Variants in GPC5 observed in about 807,000 individuals in gnomAD.
The protein encoded by GPC5 is glypican 5.
GPC5 carries 47 observed loss-of-function variants against 53.9 expected under a neutral mutation model. That is an observed-to-expected ratio of 0.87 (90% CI 0.69 to 1.11). GPC5 has a LOEUF of 1.11. Among genes scored for constraint, GPC5 ranks in the 50% most tolerant of loss-of-function variants. The probability of loss-of-function intolerance (pLI) is 0.00; values close to 1 mark genes in which losing one functional copy is unlikely to be tolerated. For synonymous variants in GPC5, 286 were observed against 263.3 expected (o/e 1.09, Z -0.84); for missense variants, 748 against 713.1 (o/e 1.05, Z -0.56).
At chr13:91,434,043 G>T (rs1213193562) in intron 1 of GPC5, among the ~76,000 whole-genome samples, 1 of 152,088 alleles carries the variant, frequency 6.6e-6, no homozygotes, top group Non-Finnish European at 1.5e-5. Context: ...CTTTTTGATG[G>T]GGTTGCTTGT....
chr13:92,831,360 CAAAAG>C (rs567669653), intron 7 of GPC5, among the ~76,000 whole-genome samples: 67 of 152,004 alleles, frequency 4.4e-4, no homozygotes, highest in African/African-American at 1.5e-3. Context: ...TTATTTATTC[CAAAAG>C]AAAATTATTT....
intron 7 of GPC5, among the ~76,000 whole-genome samples, chr13:92,487,905 T>G (rs1879616745): frequency 6.6e-6 from 1 of 151,572 alleles, no homozygotes; most frequent in Non-Finnish European, 1.5e-5. Flanking sequence ...GCAGATCCCT[T>G]TGATGAGAAG....
intron 5 of GPC5, among the ~76,000 whole-genome samples, chr13:91,905,034 C>T (rs1013295934): frequency 6.6e-6 from 1 of 152,040 alleles, no homozygotes; most frequent in African/African-American, 2.4e-5. Context: ...ACTTCCCGTA[C>T]TTTGAGGTCT....
chr13:91,673,079 G>T (rs1214791566), intron 2 of GPC5, among the ~76,000 whole-genome samples: 2 of 152,088 alleles, frequency 1.3e-5, no homozygotes, highest in African/African-American at 4.8e-5. Context: ...AGGGCCTGTT[G>T]GGGGTTAGGG....
chr13:92,816,991 G>C (rs1008091821), intron 7 of GPC5, among the ~76,000 whole-genome samples: 6 of 151,874 alleles, frequency 4.0e-5, no homozygotes, highest in Non-Finnish European at 8.8e-5. Flanking sequence ...CCCACTCCCG[G>C]TCTAGAAACC....
At chr13:92,060,021 C>T (rs1455376422) in intron 6 of GPC5, 3 of 151,354 alleles carry the variant, frequency 2.0e-5, no homozygotes, top group African/African-American at 7.3e-5. Flanking sequence ...TTAAGTTGCT[C>T]ATTTTATAAA....
chr13:92,401,776 C>T (rs1412510790), intron 7 of GPC5, among the ~76,000 whole-genome samples: 1 of 152,054 alleles, frequency 6.6e-6, no homozygotes, highest in African/African-American at 2.4e-5. Context: ...ATTACCTGAG[C>T]ATAAATTGAG....
chr13:92,552,727 G>T (rs1258075649), intron 7 of GPC5, among the ~76,000 whole-genome samples: 1 of 151,868 alleles, frequency 6.6e-6, no homozygotes, highest in Non-Finnish European at 1.5e-5. Context: ...TCTACTTGGA[G>T]TCTAAGTCCA....
At chr13:92,750,594 C>T (rs1038634480) in intron 7 of GPC5, among the ~76,000 whole-genome samples, 10 of 152,110 alleles carry the variant, frequency 6.6e-5, no homozygotes, top group African/African-American at 1.9e-4. Flanking sequence ...AATTATCTCC[C>T]GTCTGTACTT....
chr13:92,574,854 A>G (rs968779533), intron 7 of GPC5, among the ~76,000 whole-genome samples: 1 of 152,224 alleles, frequency 6.6e-6, no homozygotes, highest in African/African-American at 2.4e-5. Flanking sequence ...GGTCTTATCT[A>G]GCAAGAAGGT....
chr13:92,205,325 T>A (rs2042326041), intron 7 of GPC5, among the ~76,000 whole-genome samples: 1 of 152,208 alleles, frequency 6.6e-6, no homozygotes, highest in African/African-American at 2.4e-5. Flanking sequence ...GATTGATTAA[T>A]TACCTATCTG....
At chr13:91,799,196 C>T (rs778887531) in intron 5 of GPC5, among the ~76,000 whole-genome samples, 1 of 152,178 alleles carries the variant, frequency 6.6e-6, no homozygotes, top group Admixed American at 6.6e-5. Flanking sequence ...ATGGTTGCAG[C>T]TGTAAGACAT....
At chr13:92,660,968 G>T (rs2139185399) in intron 7 of GPC5, among the ~76,000 whole-genome samples, 1 of 151,982 alleles carries the variant, frequency 6.6e-6, no homozygotes, top group East Asian at 1.9e-4. Context: ...GTTCTCCTAT[G>T]ATTTTATTTT....
intron 5 of GPC5, among the ~76,000 whole-genome samples, chr13:91,905,230 G>C (rs763067561): frequency 6.6e-6 from 1 of 151,776 alleles, no homozygotes; most frequent in Non-Finnish European, 1.5e-5. Flanking sequence ...TAGGATATTG[G>C]GAGCATAAGG....
intron 7 of GPC5, among the ~76,000 whole-genome samples, chr13:92,177,253 C>A (rs1476425182): frequency 1.3e-5 from 2 of 152,190 alleles, no homozygotes; most frequent in Admixed American, 1.3e-4. Flanking sequence ...TAGCCTCTGG[C>A]AACCTGAGCA....
intron 7 of GPC5, among the ~76,000 whole-genome samples, chr13:92,828,048 G>A (rs371353195): frequency 1.3e-5 from 2 of 152,070 alleles, no homozygotes; most frequent in South Asian, 4.1e-4. Context: ...CATAGAGAAA[G>A]AAACAGGCAA....
intron 6 of GPC5, among the ~76,000 whole-genome samples, chr13:92,088,208 C>A (rs2041351018): frequency 1.3e-5 from 2 of 152,192 alleles, no homozygotes; most frequent in African/African-American, 4.8e-5. Flanking sequence ...TCTACCGAAG[C>A]TGCTCTTCCA....
chr13:92,069,605 T>C (rs534186280), intron 6 of GPC5, among the ~76,000 whole-genome samples: 2 of 152,308 alleles, frequency 1.3e-5, no homozygotes, highest in East Asian at 1.9e-4. Flanking sequence ...GTGGTACTAC[T>C]ATTGAACATG....
At chr13:92,212,791 C>T (rs1008882408) in intron 7 of GPC5, among the ~76,000 whole-genome samples, 1 of 152,138 alleles carries the variant, frequency 6.6e-6, no homozygotes, top group Non-Finnish European at 1.5e-5. Context: ...TGGTCCGGTA[C>T]CTAAAGACTT....
Sources: allele counts gnomAD v4.1 joint callset (sites outside exome capture counted in the v4.1 genomes callset), GRCh38; gene constraint gnomAD v4.1.1; transcripts MANE v1.5; gene names NCBI Gene and HGNC (gene_info 2026-07-23, HGNC 2026-07-21).